Variants in MRC2 observed in about 807,000 individuals in gnomAD.
MRC2 encodes mannose receptor C-type 2.
In MRC2, 84 loss-of-function variants were observed where a neutral mutation model predicts 206.2. The observed-to-expected ratio is 0.41, with a 90% CI of 0.34 to 0.49. The LOEUF (loss-of-function observed/expected upper bound fraction) is 0.49. Ranked by LOEUF, MRC2 falls within the 20% of genes least tolerant of loss-of-function variation. MRC2 has a pLI of 0.31. For synonymous variants in MRC2, 798 were observed against 800.0 expected (o/e 1.00, Z 0.04); for missense variants, 1,676 against 2,001.5 (o/e 0.84, Z 3.10).
intron 20 of MRC2, among the ~76,000 whole-genome samples, chr17:62,685,035 G>A (rs1310845633): frequency 3.3e-5 from 5 of 152,086 alleles, no homozygotes; most frequent in East Asian, 1.9e-4. Context: ...TCACCTACTC[G>A]GGAGGCTGAG....
At chr17:62,641,856 C>T (rs551123219) in intron 1 of MRC2, among the ~76,000 whole-genome samples, 2 of 151,808 alleles carry the variant, frequency 1.3e-5, no homozygotes, top group East Asian at 1.9e-4. Context: ...CTAGAAGCAC[C>T]AGTTGTTAAC....
Position 62,664,412 on chromosome 17 carries a change from C to A in MRC2, c.119-136C>A. ...CACCTCAGAGGGTTGGTAGTGAGTA[C>A]CGAGTGATTTAACGTATGAGTGACG... On this transcript the variant is annotated intron_variant, in intron 1 of 29. Coordinates refer to ENST00000303375, the MANE Select transcript of MRC2 (RefSeq NM_006039.5). This position sits in a 1 kb window ranked among gnomAD's most constrained non-coding sequence, Gnocchi z 4.7. 1.0e-6 allele frequency: 1 copy of A among 1,000,740 alleles called. No homozygotes were observed. Among genetic ancestry groups the A allele is most frequent in the Non-Finnish European group, 1.5e-6 (1 of 675,492 alleles). 62.0% of individuals were successfully genotyped at this position (1,000,740 alleles called of 1,614,324 possible). A position where few individuals can be genotyped will look rare whatever the true frequency, so the allele number is the denominator to read the frequency against.
chr17:62,667,292 G>A lies in MRC2; in HGVS notation c.974-98G>A, dbSNP rs2088769862. On this transcript the variant is annotated intron_variant, in intron 5 of 29. Coordinates refer to ENST00000303375, the MANE Select transcript of MRC2 (RefSeq NM_006039.5). This position sits in a 1 kb window ranked among gnomAD's most constrained non-coding sequence, Gnocchi z 4.1. ...GCTTCCCGAACTGGCTCAGGCTTCC[G>A]AGGGAGCAGAGGGAGGTAGGAGGTT... 1.2e-5 allele frequency: 17 copies of A among 1,454,538 alleles called. No homozygotes were observed. The highest frequency in any genetic ancestry group is 1.5e-5 in the Non-Finnish European group (16 of 1,092,900). 90.1% of individuals were successfully genotyped at this position (1,454,538 alleles called of 1,614,324 possible). A position where few individuals can be genotyped will look rare whatever the true frequency, so the allele number is the denominator to read the frequency against.
At chr17:62,674,254 T>C in intron 9 of MRC2, 84 bp downstream of exon 9, 1 of 986,128 alleles carries the variant, frequency 1.0e-6, no homozygotes, top group Admixed American at 2.8e-5. Context: ...GAACTCCTGC[T>C]GCCTCGCATG....
chr17:62,681,769 T>C (rs2088968974), intron 18 of MRC2, 68 bp from the exon 19 acceptor site: 2 of 1,277,796 alleles, frequency 1.6e-6, no homozygotes, highest in South Asian at 1.3e-5. Context: ...GCGGCCTTCA[T>C]TGCTGCATCC....
At position 62,675,731 on chromosome 17, in the gene MRC2, G is replaced by C. The variant is rs1040537661; in HGVS notation, c.1570-59G>C. On this transcript the variant is annotated intron_variant, in intron 9 of 29. Transcript: ENST00000303375. This position sits in a 1 kb window ranked among gnomAD's most constrained non-coding sequence, Gnocchi z 4.1. ...GCATCTCCCACCACAGGATTTATGG[G>C]TGAGGGTGGAGAGTCATCTTCCCTA... is the stretch of plus-strand genomic sequence containing the variant. 4.5e-6 allele frequency: 6 copies of C among 1,340,658 alleles called. No homozygotes were observed. The African/African-American group carries it at 8.6e-5, about 19-fold the overall frequency. 83.0% of individuals were successfully genotyped at this position (1,340,658 alleles called of 1,614,324 possible). A position where few individuals can be genotyped will look rare whatever the true frequency, so the allele number is the denominator to read the frequency against.
At chr17:62,678,075 G>T (rs1284949546) in intron 12 of MRC2, among the ~76,000 whole-genome samples, 2 of 152,114 alleles carry the variant, frequency 1.3e-5, no homozygotes, top group Non-Finnish European at 2.9e-5. Flanking sequence ...AATAAATAAA[G>T]ATAAAAATCT....
intron 13 of MRC2, 38 bp downstream of exon 13, chr17:62,678,684 G>A (rs747918525): frequency 3.0e-5 from 47 of 1,593,144 alleles, no homozygotes; most frequent in Admixed American, 3.7e-5. Context: ...GAGGGCACCC[G>A]CACACGTGTA....
In MRC2 at chr17:62,677,266, C is replaced by A; in HGVS notation, c.1835-3C>A. The A allele has an allele frequency of 6.3e-7, 1 of 1,583,532 alleles. No individual in the cohort carries two copies. Among genetic ancestry groups the A allele is most frequent in the African/African-American group, 1.3e-5 (1 of 74,288 alleles). On this transcript the variant is annotated splice_region_variant and splice_polypyrimidine_tract_variant and intron_variant, in intron 11 of 29. Coordinates refer to ENST00000303375, the MANE Select transcript of MRC2 (RefSeq NM_006039.5). ...GCCTGGGTCTCCCTTCCCTCTCCTT[C>A]AGGGTACAGCCGTGGGGGCTGCGTG... is the stretch of plus-strand genomic sequence containing the variant.
At chr17:62,676,006 A>G in intron 10 of MRC2, 101 bp downstream of exon 10, 1 of 964,028 alleles carries the variant, frequency 1.0e-6, no homozygotes, top group South Asian at 1.4e-5. Context: ...GCCCAGAGGG[A>G]CCTGGAGTCC....
chr17:62,656,181 G>C (rs565132549), intron 1 of MRC2, among the ~76,000 whole-genome samples: 19 of 152,234 alleles, frequency 1.2e-4, no homozygotes, highest in South Asian at 2.1e-4. Context: ...TGAGTAGTTG[G>C]GATTACAGGT....
intron 18 of MRC2, chr17:62,681,360 C>A (rs535306438): frequency 1.7e-6 from 1 of 593,016 alleles, no homozygotes; most frequent in African/African-American, 1.9e-5. Context: ...GAAGTGCTTA[C>A]GCAGCATCCA....
At position 62,641,639 on chromosome 17, in the gene MRC2, T is replaced by C. The variant is rs966759637; in HGVS notation, c.118+13719T>C. Reference sequence around the variant, plus strand: ...ACAAAAATGTACTTGGAAAGAGATATGGATAAATTATAGAATAGACACAAT... The same window carrying C: ...ACAAAAATGTACTTGGAAAGAGATACGGATAAATTATAGAATAGACACAAT... On this transcript the variant is annotated intron_variant, in intron 1 of 29. Coordinates refer to ENST00000303375, the MANE Select transcript of MRC2 (RefSeq NM_006039.5). Among the ~76,000 whole-genome samples the C allele has an allele frequency of 3.9e-5, 6 of 152,276 alleles. No individual in the cohort carries two copies. The East Asian group carries it at 9.6e-4, about 24-fold the overall frequency.
Position 62,654,724 on chromosome 17 carries a change from A to G in MRC2, c.119-9824A>G, listed in dbSNP as rs886635998. ...AGGCCTCAGTGACCATCAAGGAGGA[A>G]GGAGATGGGTTACTCAATGTAGGGC... is the stretch of plus-strand genomic sequence containing the variant. On this transcript the variant is annotated intron_variant, in intron 1 of 29. Transcript: ENST00000303375. 5.3e-5 allele frequency among the ~76,000 whole-genome samples: 8 copies of G among 152,358 alleles called. No homozygotes were observed. In the South Asian group the frequency reaches 6.2e-4, roughly 12 times the overall value.
chr17:62,661,707 C>G (rs1037318917), intron 1 of MRC2: 1 of 152,106 alleles, frequency 6.6e-6, no homozygotes, highest in Non-Finnish European at 1.5e-5. Flanking sequence ...TGAGATAACT[C>G]ACCATCTTTG....
chr17:62,676,756 T>G (rs1267939597), intron 11 of MRC2, among the ~76,000 whole-genome samples: 2 of 152,192 alleles, frequency 1.3e-5, no homozygotes, highest in African/African-American at 4.8e-5. Flanking sequence ...ATCTGTCCAG[T>G]GGGAATAATG....
In MRC2 at chr17:62,666,142, C is replaced by G; in HGVS notation, c.569C>G (p.Pro190Arg). The G allele has an allele frequency of 6.3e-7, 1 of 1,598,924 alleles. No homozygotes were observed. Among genetic ancestry groups the G allele is most frequent in the African/African-American group, 1.3e-5 (1 of 74,842 alleles). The change falls in exon 3 of 30, where the codon CCC becomes CGC. Residue 190 changes from proline (P) to arginine (R), a missense_variant. Pro to Arg is a moderately radical substitution (Grantham distance 103). Transcript: ENST00000303375. The surrounding 1 kb of genome is among the most constrained non-coding windows in gnomAD (Gnocchi z 5.0). The part of the protein sequence containing the change: ...GNSHGKPCTI[P>R]FKYDNQWFHG... ...TCCCACGGAAAGCCGTGCACCATCC[C>G]CTTCAAATATGACAACCAGTGGTTC...
At chr17:62,633,958 G>C (rs1374204647) in intron 1 of MRC2, among the ~76,000 whole-genome samples, 1 of 149,708 alleles carries the variant, frequency 6.7e-6, no homozygotes, top group East Asian at 2.0e-4. Context: ...GAAAGAATTT[G>C]AGGCGAATCC....
chr17:62,691,890 C>T (rs1190754500), intron 28 of MRC2, among the ~76,000 whole-genome samples: 2 of 152,024 alleles, frequency 1.3e-5, no homozygotes, highest in Non-Finnish European at 2.9e-5. Flanking sequence ...TGGGCTGAGA[C>T]CTAGCTGAGT....
Sources: gnomAD v4.1 joint callset for allele counts (sites outside exome capture counted in the v4.1 genomes callset) on GRCh38, gnomAD v4.1.1 for gene constraint, Gnocchi (gnomAD v3.1) non-coding constraint, MANE v1.5 for transcripts, NCBI Gene and HGNC (gene_info 2026-07-23, HGNC 2026-07-21) for gene names.